EPHA6: variants seen among roughly 807,000 people sequenced by gnomAD.
The protein encoded by EPHA6 is EPH receptor A6.
A neutral mutation model predicts 112.0 loss-of-function variants in EPHA6; 50 were observed. The observed-to-expected ratio is 0.45, with a 90% CI of 0.36 to 0.56. The LOEUF is 0.56. Ranked by LOEUF, EPHA6 falls within the 20% of genes least tolerant of loss-of-function variation. EPHA6 has a pLI of 0.00. For synonymous variants in EPHA6, 529 were observed against 490.7 expected, an observed-to-expected ratio of 1.08 and a Z score of -1.03; for missense variants, 1,280 against 1,417.4, an observed-to-expected ratio of 0.90 and a Z score of 1.56.
intron 11 of EPHA6, among the ~76,000 whole-genome samples, chr3:97,582,032 T>C (rs2093443570): frequency 1.3e-5 from 2 of 151,448 alleles, no homozygotes; most frequent in African/African-American, 4.9e-5. Context: ...TTCATTTTAT[T>C]TTTTTTTTGA....
intron 3 of EPHA6, among the ~76,000 whole-genome samples, chr3:97,066,250 AG>A (rs2046175852): frequency 6.6e-6 from 1 of 152,078 alleles, no homozygotes; most frequent in South Asian, 2.1e-4. Context: ...CTATTTTTCC[AG>A]GAACTTCTAT....
chr3:96,829,947 G>GTGCACA (rs1553713396), intron 1 of EPHA6, among the ~76,000 whole-genome samples: 2 of 70,460 alleles, frequency 2.8e-5, no homozygotes, highest in African/African-American at 4.4e-5. Flanking sequence ...GTGCGCGCGC[G>GTGCACA]CGCACACACA....
At chr3:97,269,730 T>C (rs2079819660) in intron 5 of EPHA6, among the ~76,000 whole-genome samples, 1 of 151,778 alleles carries the variant, frequency 6.6e-6, no homozygotes, top group Admixed American at 6.5e-5. Flanking sequence ...CGCAATGACC[T>C]ACACTTACTT....
intron 14 of EPHA6, among the ~76,000 whole-genome samples, chr3:97,653,908 A>G (rs2094122005): frequency 6.6e-6 from 1 of 151,942 alleles, no homozygotes; most frequent in South Asian, 2.1e-4. Context: ...CAAATACAAC[A>G]TGATCTCATT....
chr3:97,384,832 A>G (rs2085964648), intron 5 of EPHA6, among the ~76,000 whole-genome samples: 2 of 152,290 alleles, frequency 1.3e-5, no homozygotes, highest in African/African-American at 4.8e-5. Context: ...CTTCATGGCA[A>G]ATATATCAAC....
rs774700015 is a variant in EPHA6, at chr3:97,648,371, A to T, written c.2784+10289A>T. The T allele has an allele frequency of 5.1e-6, 8 of 1,569,292 alleles. No individual in the cohort carries two copies. In the African/African-American group the frequency reaches 8.0e-5, roughly 16 times the overall value. On this transcript the variant is annotated intron_variant, in intron 14 of 17. Coordinates refer to ENST00000389672, the MANE Select transcript of EPHA6 (RefSeq NM_001080448.3). ...AAATTTTCTGTCGGTCTAAGAAGAC[A>T]TAGCCTACACCCAACTGGAGATAAT...
At chr3:97,496,820 A>T (rs1276830197) in intron 10 of EPHA6, among the ~76,000 whole-genome samples, 2 of 152,170 alleles carry the variant, frequency 1.3e-5, no homozygotes, top group South Asian at 2.1e-4. Context: ...CACACAAAAA[A>T]AAAACCAACT....
chr3:97,715,362 A>G (rs547252658), intron 14 of EPHA6, among the ~76,000 whole-genome samples: 1 of 152,360 alleles, frequency 6.6e-6, no homozygotes, highest in East Asian at 1.9e-4. Flanking sequence ...GTAAAGTTGC[A>G]TCTTACAATT....
chr3:97,426,680 A>G (rs2089149156), intron 6 of EPHA6, among the ~76,000 whole-genome samples: 1 of 152,212 alleles, frequency 6.6e-6, no homozygotes, highest in South Asian at 2.1e-4. Context: ...AATTGCAACA[A>G]AAACATTGTC....
At chr3:96,953,459 A>G (rs1484482133) in intron 2 of EPHA6, among the ~76,000 whole-genome samples, 1 of 152,248 alleles carries the variant, frequency 6.6e-6, no homozygotes, top group Non-Finnish European at 1.5e-5. Flanking sequence ...ATTGTAGCAC[A>G]AAAATACTCC....
intron 14 of EPHA6, among the ~76,000 whole-genome samples, chr3:97,677,055 A>G (rs921252996): frequency 1.3e-5 from 2 of 152,210 alleles, no homozygotes; most frequent in Admixed American, 6.5e-5. Flanking sequence ...AGTTTAATTA[A>G]TTTTGATTTT....
At chr3:97,699,781 A>G (rs1576312651) in intron 14 of EPHA6, among the ~76,000 whole-genome samples, 1 of 152,346 alleles carries the variant, frequency 6.6e-6, no homozygotes, top group East Asian at 1.9e-4. Flanking sequence ...CTTTTTAACC[A>G]CTACTTCCCT....
intron 10 of EPHA6, among the ~76,000 whole-genome samples, chr3:97,484,497 G>A (rs1240135674): frequency 6.6e-6 from 1 of 152,112 alleles, no homozygotes; most frequent in Non-Finnish European, 1.5e-5. Context: ...TCATTTTAAT[G>A]CAAATTAATA....
intron 14 of EPHA6, among the ~76,000 whole-genome samples, chr3:97,686,538 G>A (rs1203552228): frequency 2.0e-5 from 3 of 152,302 alleles, no homozygotes; most frequent in East Asian, 1.9e-4. Flanking sequence ...ATATATGCCT[G>A]ATTTTATAGT....
intron 2 of EPHA6, among the ~76,000 whole-genome samples, chr3:96,890,812 G>A (rs2037911907): frequency 6.6e-6 from 1 of 152,202 alleles, no homozygotes; most frequent in Admixed American, 6.5e-5. Flanking sequence ...CCAGTCAGAT[G>A]TGGTGGCTCA....
At chr3:97,611,995 A>G (rs1244778373) in intron 13 of EPHA6, among the ~76,000 whole-genome samples, 1 of 152,014 alleles carries the variant, frequency 6.6e-6, no homozygotes, top group Non-Finnish European at 1.5e-5. Context: ...GAATTCAGCA[A>G]AATCATCAAG....
At chr3:97,240,928 C>T (rs2078827417) in intron 4 of EPHA6, among the ~76,000 whole-genome samples, 1 of 151,656 alleles carries the variant, frequency 6.6e-6, no homozygotes, top group Non-Finnish European at 1.5e-5. Context: ...TTTTGGGAAA[C>T]ACAGTTATGT....
At chr3:96,925,667 G>A (rs902375939) in intron 2 of EPHA6, among the ~76,000 whole-genome samples, 2 of 149,208 alleles carry the variant, frequency 1.3e-5, no homozygotes, top group African/African-American at 2.5e-5. Flanking sequence ...GTGCAGTGAC[G>A]TGATCTTGGC....
In EPHA6 at chr3:97,512,037, G is replaced by T. The variant is rs2092373301; in HGVS notation, c.2201-20321G>T. Among the ~76,000 whole-genome samples the T allele has an allele frequency of 3.3e-5, 5 of 152,028 alleles. No individual in the cohort carries two copies. In the South Asian group the frequency reaches 8.3e-4, roughly 25 times the overall value. ...TATTCTTAATAAATAAAATAATGAA[G>T]CATAAACTTTTTTTAAGTATGATGA... is the stretch of plus-strand genomic sequence containing the variant. On this transcript the variant is annotated intron_variant, in intron 10 of 17. Transcript: ENST00000389672.
Sources: allele counts gnomAD v4.1 joint callset (sites outside exome capture counted in the v4.1 genomes callset), GRCh38; gene constraint gnomAD v4.1.1; transcripts MANE v1.5; gene names NCBI Gene and HGNC (gene_info 2026-07-23, HGNC 2026-07-21).